CSMD1: variants seen among roughly 807,000 people sequenced by gnomAD.
CSMD1 encodes CUB and sushi domain-containing protein 1.
A neutral mutation model predicts 417.5 loss-of-function variants in CSMD1; 213 were observed. That is an observed-to-expected ratio of 0.51 (90% CI 0.46 to 0.57). CSMD1 has a LOEUF of 0.57. Ranked by LOEUF, CSMD1 falls within the 20% of genes least tolerant of loss-of-function variation. The probability of loss-of-function intolerance (pLI) is 0.00; values close to 1 mark genes in which losing one functional copy is unlikely to be tolerated. For missense variants in CSMD1, 6,923 were observed against 4,529.7 expected (o/e 1.53, Z -15.17); for synonymous variants, 2,862 against 1,736.8 (o/e 1.65, Z -16.11).
At chr8:4,621,703 G>A (rs997380186) in intron 2 of CSMD1, among the ~76,000 whole-genome samples, 5 of 151,824 alleles carry the variant, frequency 3.3e-5, no homozygotes, top group African/African-American at 1.2e-4. Flanking sequence ...CCTGTACAGT[G>A]AAATCTTAAA....
chr8:4,964,179 A>G (rs1809695165), intron 1 of CSMD1, among the ~76,000 whole-genome samples: 1 of 152,078 alleles, frequency 6.6e-6, no homozygotes. Flanking sequence ...GATAAGAGAA[A>G]AGGGAAATAC....
intron 3 of CSMD1, among the ~76,000 whole-genome samples, chr8:4,395,677 G>A (rs7840575): frequency 0.027 from 4,070 of 152,016 alleles, 165 homozygotes; most frequent in African/African-American, 0.093. Context: ...AAAAGCTAGG[G>A]AGACATAAAC....
At chr8:4,886,564 A>G (rs918446392) in intron 1 of CSMD1, among the ~76,000 whole-genome samples, 3 of 151,970 alleles carry the variant, frequency 2.0e-5, no homozygotes, top group Non-Finnish European at 2.9e-5. Flanking sequence ...AAGTGTGGAT[A>G]TATTTACATT....
intron 12 of CSMD1, among the ~76,000 whole-genome samples, chr8:3,439,599 C>G (rs535335462): frequency 6.6e-6 from 1 of 151,140 alleles, no homozygotes; most frequent in Admixed American, 6.6e-5. Flanking sequence ...CAGTCTACAG[C>G]TTATCTTTTC....
intron 12 of CSMD1, among the ~76,000 whole-genome samples, chr8:3,449,541 G>C (rs1366148966): frequency 1.3e-5 from 2 of 151,182 alleles, no homozygotes; most frequent in African/African-American, 4.9e-5. Flanking sequence ...TTTTAAGATG[G>C]AGTTTCTCTC....
At chr8:4,236,478 T>C (rs1563317264) in intron 3 of CSMD1, among the ~76,000 whole-genome samples, 2 of 152,122 alleles carry the variant, frequency 1.3e-5, no homozygotes, top group African/African-American at 4.8e-5. Context: ...ACTGGCTGTA[T>C]TCATGGGCCA....
rs969956474 is a variant in CSMD1 at position 4,461,837 on chromosome 8, T to C, written c.303-41772A>G. Among the ~76,000 whole-genome samples, 7 of 148,708 alleles carry C rather than the reference T, an allele frequency of 4.7e-5. No individual in the cohort carries two copies. In the South Asian group the frequency reaches 1.5e-3, roughly 32 times the overall value. ...CTCACTGCAAGCTCCACCTACGGGGTTCCCGCCATTCTCCTGCCTCAGCCT... is the reference window on the plus strand; with the variant it reads ...CTCACTGCAAGCTCCACCTACGGGGCTCCCGCCATTCTCCTGCCTCAGCCT... On this transcript the variant is annotated intron_variant, in intron 2 of 69. Transcript: ENST00000635120.
rs554325252 is a variant in CSMD1, at chr8:3,646,732, C to G, written c.1010-29935G>C. Reference sequence around the variant, plus strand: ...AGCGCTTTCGACCTGGCTCCGGTGCCTCCTCTGAGGCTGGAAAGAACGTTT... The same window carrying G: ...AGCGCTTTCGACCTGGCTCCGGTGCGTCCTCTGAGGCTGGAAAGAACGTTT... On this transcript the variant is annotated intron_variant, in intron 7 of 69. Coordinates refer to ENST00000635120, the MANE Select transcript of CSMD1 (RefSeq NM_033225.6). 5.9e-5 allele frequency among the ~76,000 whole-genome samples: 9 copies of G among 152,210 alleles called. No individual in the cohort carries two copies. In the South Asian group the frequency reaches 1.9e-3, roughly 32 times the overall value.
chr8:3,407,864 G>A (rs760220694), intron 14 of CSMD1, 35 bp downstream of exon 14: 1 of 1,533,390 alleles, frequency 6.5e-7, no homozygotes, highest in East Asian at 2.3e-5. Flanking sequence ...AGTAAAATGA[G>A]AACTTGGATG....
At chr8:4,461,275 T>A (rs1003502957) in intron 2 of CSMD1, among the ~76,000 whole-genome samples, 12 of 152,164 alleles carry the variant, frequency 7.9e-5, no homozygotes, top group South Asian at 6.2e-4. Context: ...CAGTTAACAT[T>A]GTATTTAATG....
At chr8:3,791,187 G>A (rs1799719581) in intron 5 of CSMD1, among the ~76,000 whole-genome samples, 1 of 152,124 alleles carries the variant, frequency 6.6e-6, no homozygotes, top group Non-Finnish European at 1.5e-5. Flanking sequence ...ATTTAGATGT[G>A]TTTGTAAACC....
intron 2 of CSMD1, among the ~76,000 whole-genome samples, chr8:4,633,996 TAA>T (rs34505266): frequency 1.7e-4 from 25 of 143,082 alleles, no homozygotes; most frequent in African/African-American, 3.1e-4. Flanking sequence ...GACAGGTCAT[TAA>T]AAAAAAAAAA....
At chr8:4,089,507 A>G (rs1033713312) in intron 3 of CSMD1, among the ~76,000 whole-genome samples, 2 of 152,148 alleles carry the variant, frequency 1.3e-5, no homozygotes, top group African/African-American at 4.8e-5. Context: ...GACACATTCC[A>G]TATATCCAAG....
chr8:4,953,782 T>C lies in CSMD1; in HGVS notation c.85+40550A>G, dbSNP rs906650645. 3.3e-5 allele frequency among the ~76,000 whole-genome samples: 5 copies of C among 152,328 alleles called. No individual in the cohort carries two copies. The East Asian group carries it at 9.7e-4, about 29-fold the overall frequency. ...CTGCAAGGCTAATTCTCTCTGTCTTTGGTAATTTTCCCAAAATGTGGTTTG... is the reference window on the plus strand; with the variant it reads ...CTGCAAGGCTAATTCTCTCTGTCTTCGGTAATTTTCCCAAAATGTGGTTTG... On this transcript the variant is annotated intron_variant, in intron 1 of 69. Coordinates refer to ENST00000635120, the MANE Select transcript of CSMD1 (RefSeq NM_033225.6).
intron 69 of CSMD1, among the ~76,000 whole-genome samples, chr8:2,942,100 C>G (rs1289598660): frequency 6.6e-6 from 1 of 152,106 alleles, no homozygotes; most frequent in African/African-American, 2.4e-5. Context: ...GAGCATTGCT[C>G]TCACTCATGA....
intron 5 of CSMD1, among the ~76,000 whole-genome samples, chr8:3,790,529 G>C (rs1011122980): frequency 6.6e-6 from 1 of 152,166 alleles, no homozygotes; most frequent in African/African-American, 2.4e-5. Context: ...CCGTGTGATG[G>C]TGATAATAAC....
intron 1 of CSMD1, among the ~76,000 whole-genome samples, chr8:4,727,541 G>C (rs1174915257): frequency 1.3e-5 from 2 of 152,100 alleles, no homozygotes; most frequent in Non-Finnish European, 2.9e-5. Context: ...GTTTTGCAAA[G>C]AAAAATGGTG....
chr8:4,850,910 C>CT (rs1272980590), intron 1 of CSMD1, among the ~76,000 whole-genome samples: 2 of 147,648 alleles, frequency 1.4e-5, no homozygotes, highest in African/African-American at 5.1e-5. Context: ...TCCCTTGCCC[C>CT]CCCACTTTTT....
intron 4 of CSMD1, among the ~76,000 whole-genome samples, chr8:4,019,363 C>T (rs752681834): frequency 5.3e-5 from 8 of 152,090 alleles, no homozygotes; most frequent in African/African-American, 1.9e-4. Context: ...GTGTCTGTTC[C>T]CATACATCTC....
Sources: allele counts gnomAD v4.1 joint callset (sites outside exome capture counted in the v4.1 genomes callset), GRCh38; gene constraint gnomAD v4.1.1; transcripts MANE v1.5; gene names NCBI Gene and HGNC (gene_info 2026-07-23, HGNC 2026-07-21).